C16orf74: variants seen among roughly 807,000 people sequenced by gnomAD.
C16orf74 encodes uncharacterized protein C16orf74.
Under a neutral mutation model 6.5 loss-of-function variants are expected in C16orf74, and 10 were observed. The observed-to-expected ratio is 1.54, with a 90% CI of 0.95 to 2.61. The LOEUF is 2.61. Among genes scored for constraint, C16orf74 ranks in the 30% most tolerant of loss-of-function variants. The pLI, the probability that C16orf74 is intolerant of heterozygous loss-of-function variation, is 0.00. For missense variants in C16orf74, 141 were observed against 105.9 expected (o/e 1.33, Z -1.45); for synonymous variants, 60 against 42.5 (o/e 1.41, Z -1.60).
chr16:85,744,257 A>C (rs955027156), intron 1 of C16orf74: 8 of 151,304 alleles, frequency 5.3e-5, no homozygotes, highest in Non-Finnish European at 1.2e-4. Flanking sequence ...AGAAAAGAAA[A>C]GAAAAAGAAA....
At chr16:85,717,534 C>A (rs2054037213) in intron 2 of C16orf74, among the ~76,000 whole-genome samples, 1 of 152,124 alleles carries the variant, frequency 6.6e-6, no homozygotes, top group African/African-American at 2.4e-5. Context: ...GTGGGGCTGC[C>A]AAGTGTGGGG....
intron 2 of C16orf74, among the ~76,000 whole-genome samples, chr16:85,716,769 C>G (rs999828041): frequency 3.9e-5 from 6 of 151,982 alleles, no homozygotes; most frequent in African/African-American, 1.5e-4. Context: ...ATCCCCAGGG[C>G]CTGCCAAGCC....
chr16:85,710,413 G>C, intron 2 of C16orf74, 106 bp from the exon 3 acceptor site: 1 of 1,116,570 alleles, frequency 9.0e-7, no homozygotes, highest in Non-Finnish European at 1.2e-6. Flanking sequence ...CTATCACCTG[G>C]GTCCTGACGC....
At chr16:85,748,821 T>G (rs1445316948) in intron 1 of C16orf74, among the ~76,000 whole-genome samples, 3 of 152,124 alleles carry the variant, frequency 2.0e-5, no homozygotes, top group African/African-American at 7.2e-5. Context: ...TAATGAGGCA[T>G]GTCTGACCCC....
chr16:85,715,584 TAC>T (rs2054015144), intron 2 of C16orf74, among the ~76,000 whole-genome samples: 2 of 152,236 alleles, frequency 1.3e-5, no homozygotes, highest in Admixed American at 6.5e-5. Flanking sequence ...CCACACAAAC[TAC>T]ACACACAGCT....
intron 1 of C16orf74, among the ~76,000 whole-genome samples, chr16:85,735,786 C>T (rs1370858459): frequency 6.6e-6 from 1 of 152,082 alleles, no homozygotes; most frequent in Non-Finnish European, 1.5e-5. Context: ...TTGTCCCAAC[C>T]AGTGTTCTCA....
chr16:85,741,320 C>G (rs565507773), intron 1 of C16orf74, among the ~76,000 whole-genome samples: 1 of 152,310 alleles, frequency 6.6e-6, no homozygotes, highest in East Asian at 1.9e-4. Context: ...GTGTCTGGAA[C>G]TGACAGGTTT....
intron 2 of C16orf74, among the ~76,000 whole-genome samples, chr16:85,711,513 C>T (rs1305707678): frequency 6.6e-6 from 1 of 150,698 alleles, no homozygotes; most frequent in Admixed American, 6.6e-5. Flanking sequence ...ATCCCAGCTA[C>T]TCGGGAGGCT....
rs185621370 is a variant in C16orf74, at chr16:85,719,086, T to C, written c.29-8779A>G. Among the ~76,000 whole-genome samples the C allele has an allele frequency of 3.4e-3, 525 of 152,358 alleles. 4 individuals carry two copies. The highest frequency in any genetic ancestry group is 0.012 in the African/African-American group (491 of 41,594). ...CTGCTTCCTGCTGTGACACTGCCTC[T>C]CGGCCTGGGCTTTCTCACCTGCAGA... On this transcript the variant is annotated intron_variant, in intron 2 of 3. Transcript: ENST00000284245.
At chr16:85,747,873 G>A (rs373458906) in intron 1 of C16orf74, among the ~76,000 whole-genome samples, 1 of 151,952 alleles carries the variant, frequency 6.6e-6, no homozygotes, top group Admixed American at 6.6e-5. Context: ...GGATCACAAG[G>A]TCAGCAGTTC....
chr16:85,710,511 G>A, intron 2 of C16orf74: 1 of 515,762 alleles, frequency 1.9e-6, no homozygotes, highest in Non-Finnish European at 3.3e-6. Context: ...ACATCTCACA[G>A]AACCATGAGT....
chr16:85,713,403 G>A (rs1409975997), intron 2 of C16orf74, among the ~76,000 whole-genome samples: 1 of 152,134 alleles, frequency 6.6e-6, no homozygotes, highest in Admixed American at 6.5e-5. Flanking sequence ...CTCCCAAGTA[G>A]TTGGGATTAC....
chr16:85,722,041 C>G (rs1292839269), intron 2 of C16orf74, among the ~76,000 whole-genome samples: 1 of 129,380 alleles, frequency 7.7e-6, no homozygotes, highest in Non-Finnish European at 1.5e-5. Context: ...CCAGGTGGAA[C>G]TCAAACTTCT....
Position 85,707,884 on chromosome 16 carries a change from G to A in C16orf74, c.*124C>T, listed in dbSNP as rs866301667. The A allele has an allele frequency of 4.6e-5, 34 of 742,454 alleles. No homozygotes were observed. The highest frequency in any genetic ancestry group is 4.2e-4 in the African/African-American group (24 of 57,214). The allele number at this position is 742,454 out of a possible 1,614,324, so 46.0% of individuals were successfully genotyped here. A position where few individuals can be genotyped will look rare whatever the true frequency, so the allele number is the denominator to read the frequency against. On this transcript the variant is annotated 3_prime_UTR_variant, in exon 4 of 4. Transcript: ENST00000284245. Reference sequence around the variant, plus strand: ...GTCCTGCCACGTCTCTCTGAGCGGAGGCCCGGGTTCGCTCAGTTCCCATCC... The same window carrying A: ...GTCCTGCCACGTCTCTCTGAGCGGAAGCCCGGGTTCGCTCAGTTCCCATCC...
At chr16:85,709,615 T>A (rs2053947475) in intron 3 of C16orf74, among the ~76,000 whole-genome samples, 1 of 152,114 alleles carries the variant, frequency 6.6e-6, no homozygotes, top group African/African-American at 2.4e-5. Context: ...TCCCACCAGC[T>A]CCAGAGGTAT....
intron 1 of C16orf74, among the ~76,000 whole-genome samples, chr16:85,750,253 G>A (rs2054421846): frequency 6.6e-6 from 1 of 152,186 alleles, no homozygotes; most frequent in African/African-American, 2.4e-5. Flanking sequence ...TTCCATCTGG[G>A]CCCCGCAGCC....
chr16:85,733,954 G>A (rs1440573543), intron 2 of C16orf74, among the ~76,000 whole-genome samples: 1 of 152,208 alleles, frequency 6.6e-6, no homozygotes, highest in Non-Finnish European at 1.5e-5. Context: ...CCTAAACTGG[G>A]CCAATCGGAT....
chr16:85,719,292 C>A (rs1191805027), intron 2 of C16orf74, among the ~76,000 whole-genome samples: 8 of 152,174 alleles, frequency 5.3e-5, no homozygotes, highest in Admixed American at 2.6e-4. Flanking sequence ...CTGTGCCTTT[C>A]CCCTACACCT....
chr16:85,735,892 C>T (rs4538022), intron 1 of C16orf74, among the ~76,000 whole-genome samples: 1 of 152,290 alleles, frequency 6.6e-6, no homozygotes, highest in Non-Finnish European at 1.5e-5. Flanking sequence ...TCTTGACACT[C>T]ACTCCTCAGT....
Sources: allele counts gnomAD v4.1 joint callset (sites outside exome capture counted in the v4.1 genomes callset), GRCh38; gene constraint gnomAD v4.1.1; transcripts MANE v1.5; gene names NCBI Gene and HGNC (gene_info 2026-07-23, HGNC 2026-07-21).